MSI2: variants seen among roughly 807,000 people sequenced by gnomAD.
MSI2 encodes musashi RNA binding protein 2.
In MSI2, 17 loss-of-function variants were observed where a neutral mutation model predicts 45.6. The ratio of observed to expected loss-of-function variants is 0.37; its 90% CI spans 0.26 to 0.56. The LOEUF (loss-of-function observed/expected upper bound fraction) is 0.56. Among genes scored for constraint, MSI2 ranks in the 20% least tolerant of loss-of-function variants. The pLI is 0.77. For synonymous variants in MSI2, 156 were observed against 158.2 expected (o/e 0.99, Z 0.11); for missense variants, 293 against 444.2 (o/e 0.66, Z 3.06).
chr17:57,505,489 G>A (rs1039447055), intron 6 of MSI2, among the ~76,000 whole-genome samples: 1 of 152,162 alleles, frequency 6.6e-6, no homozygotes, highest in Non-Finnish European at 1.5e-5. Context: ...TAATAAAAAG[G>A]GGTGGGGTCT....
chr17:57,645,759 G>A (rs997491629), intron 10 of MSI2, among the ~76,000 whole-genome samples: 1 of 152,104 alleles, frequency 6.6e-6, no homozygotes, highest in African/African-American at 2.4e-5. Context: ...CAGTGCCGAG[G>A]CTGCTCTGCA....
intron 6 of MSI2, among the ~76,000 whole-genome samples, chr17:57,507,191 A>G (rs2086249970): frequency 7.1e-6 from 1 of 141,342 alleles, no homozygotes; most frequent in Non-Finnish European, 1.5e-5. Flanking sequence ...GGGGGGGTGT[A>G]AATCTCTTCC....
chr17:57,622,967 G>A (rs571565892), intron 9 of MSI2, among the ~76,000 whole-genome samples: 11 of 152,154 alleles, frequency 7.2e-5, no homozygotes, highest in African/African-American at 1.9e-4. Flanking sequence ...ATCACTAGCC[G>A]CCTGTGCACG....
chr17:57,609,318 CTCCTGAG>C (rs1234254667), intron 8 of MSI2, among the ~76,000 whole-genome samples: 4 of 152,206 alleles, frequency 2.6e-5, no homozygotes, highest in African/African-American at 7.2e-5. Flanking sequence ...ACCTCCTCTC[CTCCTGAG>C]CCCTTTCCTC....
rs1298851358 is a variant in MSI2, at chr17:57,622,744, A to G, written c.653-4485A>G. On this transcript the variant is annotated intron_variant, in intron 9 of 13. Coordinates refer to ENST00000284073, the MANE Select transcript of MSI2 (RefSeq NM_138962.4). The stretch of plus-strand genomic sequence containing the variant: ...ATCAAAAGATTGGAGATTGGCTGGA[A>G]CTTAAAACCACATATCTACACTCAA... 2.0e-5 allele frequency among the ~76,000 whole-genome samples: 3 copies of G among 152,004 alleles called. No individual in the cohort carries two copies. In the East Asian group the frequency reaches 5.8e-4, roughly 29 times the overall value.
intron 6 of MSI2, among the ~76,000 whole-genome samples, chr17:57,483,925 A>G (rs2085699804): frequency 6.6e-6 from 1 of 152,192 alleles, no homozygotes; most frequent in African/African-American, 2.4e-5. Context: ...CCAGGGAGCT[A>G]GGGGCAAATC....
intron 6 of MSI2, among the ~76,000 whole-genome samples, chr17:57,511,304 G>A (rs1354425371): frequency 6.6e-6 from 1 of 152,150 alleles, no homozygotes; most frequent in African/African-American, 2.4e-5. Flanking sequence ...TTAATAAACC[G>A]CAAATGTGAA....
intron 5 of MSI2, among the ~76,000 whole-genome samples, chr17:57,274,788 T>G (rs183332908): frequency 3.3e-4 from 50 of 152,290 alleles, no homozygotes; most frequent in Admixed American, 2.7e-3. Flanking sequence ...AGCACGGGCT[T>G]TGGACTCAGA....
At chr17:57,413,255 C>A (rs1156414461) in intron 6 of MSI2, among the ~76,000 whole-genome samples, 2 of 152,296 alleles carry the variant, frequency 1.3e-5, no homozygotes, top group Middle Eastern at 3.4e-3. Flanking sequence ...ATTCTTCTAC[C>A]CACCCTGGCA....
intron 6 of MSI2, among the ~76,000 whole-genome samples, chr17:57,408,810 C>T (rs187510697): frequency 1.8e-4 from 28 of 152,288 alleles, no homozygotes; most frequent in Non-Finnish European, 3.2e-4. Flanking sequence ...GAGGAGAAAG[C>T]GCAGTTCATT....
At chr17:57,431,688 T>C (rs2143386948) in intron 6 of MSI2, among the ~76,000 whole-genome samples, 1 of 152,326 alleles carries the variant, frequency 6.6e-6, no homozygotes, top group East Asian at 1.9e-4. Context: ...CAGATTGCAT[T>C]CCTCCCCTTA....
intron 6 of MSI2, among the ~76,000 whole-genome samples, chr17:57,515,229 A>G (rs1000421934): frequency 6.6e-6 from 1 of 151,924 alleles, no homozygotes; most frequent in African/African-American, 2.4e-5. Flanking sequence ...TTTGAGACGG[A>G]GTCTCGCTCT....
downstream of MSI2, among the ~76,000 whole-genome samples, chr17:57,688,738 G>A (rs906781292): frequency 6.6e-6 from 1 of 152,090 alleles, no homozygotes; most frequent in Non-Finnish European, 1.5e-5. Flanking sequence ...TACAAAGAAA[G>A]GGGTACACTC....
chr17:57,699,402 A>C, the MSI2 span, among the ~76,000 whole-genome samples: 2 of 151,418 alleles, frequency 1.3e-5, no homozygotes, highest in Non-Finnish European at 2.9e-5. Context: ...GACCTTTCTC[A>C]CCTTCTCATG....
intron 5 of MSI2, among the ~76,000 whole-genome samples, chr17:57,374,758 G>T (rs79722134): frequency 0.02 from 3,077 of 152,196 alleles, 93 homozygotes; most frequent in African/African-American, 0.065. Flanking sequence ...CAACCTGGGC[G>T]GTAGAGTGAG....
chr17:57,471,718 C>T (rs961191512), intron 6 of MSI2, among the ~76,000 whole-genome samples: 17 of 151,854 alleles, frequency 1.1e-4, no homozygotes, highest in African/African-American at 2.9e-4. Flanking sequence ...ACCCCGCCTG[C>T]GTGCTGCCCC....
At chr17:57,666,193 A>G (rs1442192983) in intron 11 of MSI2, among the ~76,000 whole-genome samples, 2 of 152,242 alleles carry the variant, frequency 1.3e-5, no homozygotes, top group East Asian at 1.9e-4. Flanking sequence ...AGAAGGGACA[A>G]CTGAGCAGCA....
At chr17:57,400,456 A>G (rs988936068) in intron 5 of MSI2, among the ~76,000 whole-genome samples, 17 of 152,136 alleles carry the variant, frequency 1.1e-4, no homozygotes, top group African/African-American at 4.1e-4. Context: ...GTACATCTAC[A>G]AAACATTCAG....
chr17:57,414,817 G>T (rs183530788), intron 6 of MSI2, among the ~76,000 whole-genome samples: 2 of 152,074 alleles, frequency 1.3e-5, no homozygotes, highest in Non-Finnish European at 1.5e-5. Flanking sequence ...TTTCCAACCC[G>T]CAGCAAAAGC....
Sources: allele counts gnomAD v4.1 joint callset (sites outside exome capture counted in the v4.1 genomes callset), GRCh38; gene constraint gnomAD v4.1.1; transcripts MANE v1.5; gene names NCBI Gene and HGNC (gene_info 2026-07-23, HGNC 2026-07-21).